TBX22: variants seen among roughly 807,000 people sequenced by gnomAD.
TBX22 encodes the protein T-box transcription factor TBX22.
A neutral mutation model predicts 30.1 loss-of-function variants in TBX22; 8 were observed. That is an observed-to-expected ratio of 0.27 (90% CI 0.16 to 0.48). TBX22 has a LOEUF of 0.48. Ranked by LOEUF, TBX22 falls within the 20% of genes least tolerant of loss-of-function variation. The probability of loss-of-function intolerance (pLI) is 0.99; values close to 1 mark genes in which losing one functional copy is unlikely to be tolerated. For synonymous variants in TBX22, 173 were observed against 149.1 expected (o/e 1.16, Z -1.17); for missense variants, 463 against 400.5 (o/e 1.16, Z -1.33).
rs778164281 is a variant in TBX22, at chrX:80,030,487, G to GT, written c.950-10dup. ...AAGTTCATTATTCATTGGCTGAATT[G>GT]TCATTCACAGGTGGAAGCAGTGGCT... On this transcript the variant is annotated splice_polypyrimidine_tract_variant and intron_variant, in intron 8 of 8. Transcript: ENST00000373296. 8.3e-7 allele frequency: 1 copy of GT among 1,209,416 alleles called. No individual in the cohort carries two copies. The highest frequency in any genetic ancestry group is 1.8e-5 in the South Asian group (1 of 56,788).
intron 1 of TBX22, among the ~76,000 whole-genome samples, chrX:80,020,096 G>A (rs760622799): frequency 3.6e-5 from 4 of 110,768 alleles, no homozygotes; most frequent in Admixed American, 9.6e-5. Context: ...ACAAGGTAAC[G>A]TCCTGCCTTT....
rs778084418 is a variant in TBX22 at position 80,028,095 on chromosome X, T to G, written c.949+19T>G. On this transcript the variant is annotated intron_variant, in intron 8 of 8. Coordinates refer to ENST00000373296, the MANE Select transcript of TBX22 (RefSeq NM_001109878.2). Reference sequence around the variant, plus strand: ...ACACAAAGTAAGAAAACTTGGAACGTTTGTTTTATTTTTACATATCAATTA... The same window carrying G: ...ACACAAAGTAAGAAAACTTGGAACGGTTGTTTTATTTTTACATATCAATTA... 1 of 1,164,940 alleles carries G rather than the reference T, an allele frequency of 8.6e-7. No individual in the cohort carries two copies. Among genetic ancestry groups the G allele is most frequent in the South Asian group, 1.8e-5 (1 of 55,548 alleles).
At chrX:80,025,819 A>C in intron 5 of TBX22, 42 bp downstream of exon 5, 1 of 1,130,755 alleles carries the variant, frequency 8.8e-7, no homozygotes, top group Non-Finnish European at 1.2e-6. Flanking sequence ...GGAGGTGCCA[A>C]GGCTCCTGCC....
chrX:80,014,998 C>T (rs1252345787), intron 1 of TBX22, 111 bp downstream of exon 1: 2 of 111,562 alleles, frequency 1.8e-5, no homozygotes, highest in Non-Finnish European at 3.8e-5. Context: ...AAGTCCCTAA[C>T]ATTAGGAAAG....
At chrX:80,018,664 A>G (rs1232627876) in intron 1 of TBX22, among the ~76,000 whole-genome samples, 1 of 112,175 alleles carries the variant, frequency 8.9e-6, no homozygotes, top group Admixed American at 9.5e-5. Flanking sequence ...AGTGCTTACT[A>G]TGTTCCAGGC....
At chrX:80,022,560 G>C in intron 2 of TBX22, 116 bp downstream of exon 2, 1 of 743,676 alleles carries the variant, frequency 1.3e-6, no homozygotes, top group Admixed American at 2.6e-5. Flanking sequence ...GAGACACCTC[G>C]ACCACCTGGT....
Position 80,023,112 on chromosome X carries a change from C to T in TBX22, c.228C>T (p.Ser76=). 1 of 1,211,573 alleles carries T rather than the reference C, an allele frequency of 8.3e-7. No homozygotes were observed. The highest frequency in any genetic ancestry group is 1.1e-6 in the Non-Finnish European group (1 of 895,362). The change falls in exon 3 of 9, where the codon AGC becomes AGT. Residue 76 remains serine (S), a synonymous_variant. Transcript: ENST00000373296. ...PSTSASSGCG[S]DSGYGNSSES... ...CATCTGCTTCCTCTGGCTGCGGCAG[C>T]GACAGCGGCTACGGCAACAGCTCTG...
Position 80,027,701 on chromosome X carries a change from A to G in TBX22, c.864-290A>G, listed in dbSNP as rs777743171. Among the ~76,000 whole-genome samples the G allele has an allele frequency of 4.5e-5, 5 of 111,891 alleles. No homozygotes were observed. The East Asian group carries it at 1.4e-3, about 32-fold the overall frequency. ...CCCCCACAAGTTTTAAGGATAAGAA[A>G]ACTGACTCAGAGACTCAAAAGCTCT... On this transcript the variant is annotated intron_variant, in intron 7 of 8. Coordinates refer to ENST00000373296, the MANE Select transcript of TBX22 (RefSeq NM_001109878.2).
chrX:80,018,751 A>G (rs1923556498), intron 1 of TBX22, among the ~76,000 whole-genome samples: 2 of 112,063 alleles, frequency 1.8e-5, no homozygotes, highest in Non-Finnish European at 3.8e-5. Flanking sequence ...ACAGAAACAT[A>G]CTCTATGATA....
At chrX:80,018,470 A>G (rs1406865305) in intron 1 of TBX22, among the ~76,000 whole-genome samples, 1 of 112,081 alleles carries the variant, frequency 8.9e-6, no homozygotes, top group Admixed American at 9.5e-5. Context: ...GCTTTCCTAA[A>G]GACTTTCAAC....
In TBX22 at chrX:80,026,814, A is replaced by T; in HGVS notation, c.744A>T (p.Thr248=). ...IQSLPTEGVK[T]FSFKETEFTT... ...CCTTGCCCACTGAAGGTGTTAAAAC[A>T]TTCTCCTTTAAAGAAACTGAGTTCA... Residue 248 remains threonine (T), a synonymous_variant, in exon 6 of 9, where the codon ACA becomes ACT. Transcript: ENST00000373296. 2 of 1,211,731 alleles carry T rather than the reference A, an allele frequency of 1.7e-6. No individual in the cohort carries two copies. Among genetic ancestry groups the T allele is most frequent in the Non-Finnish European group, 2.2e-6 (2 of 895,460 alleles).
At chrX:80,026,176 G>A (rs1455365022) in intron 5 of TBX22, among the ~76,000 whole-genome samples, 1 of 111,153 alleles carries the variant, frequency 9.0e-6, no homozygotes, top group Non-Finnish European at 1.9e-5. Context: ...GTGATGGAAG[G>A]ATACAAGTGG....
At chrX:80,027,179 T>C in intron 6 of TBX22, 77 bp from the exon 7 acceptor site, 1 of 594,031 alleles carries the variant, frequency 1.7e-6, no homozygotes, top group East Asian at 3.3e-5. Context: ...CTGGTGGTTG[T>C]AACCACTATA....
intron 8 of TBX22, among the ~76,000 whole-genome samples, chrX:80,029,067 A>C (rs1379612865): frequency 1.8e-5 from 2 of 112,332 alleles, no homozygotes; most frequent in Non-Finnish European, 3.8e-5. Context: ...AAAAAGTTAA[A>C]GATGATCATG....
intron 1 of TBX22, among the ~76,000 whole-genome samples, chrX:80,017,183 T>C (rs1465413715): frequency 3.6e-5 from 4 of 110,080 alleles, no homozygotes; most frequent in Non-Finnish European, 7.6e-5. Context: ...GCAGTCCTGA[T>C]TGAGCCTTCA....
rs750415957 is a variant in TBX22, at chrX:80,022,273, G to A, written c.4G>A (p.Ala2Thr). 1 of 1,210,951 alleles carries A rather than the reference G, an allele frequency of 8.3e-7. No individual in the cohort carries two copies. The highest frequency in any genetic ancestry group is 1.1e-6 in the Non-Finnish European group (1 of 895,238). M[A>T]LSSRARAFSV... ...AATCCCTTCACCCCCTCCAGGGATG[G>A]CTCTGAGCTCTCGGGCGCGTGCCTT... The change falls in exon 2 of 9, where the codon GCT becomes ACT. Residue 2 changes from alanine (A) to threonine (T), a missense_variant. Coordinates refer to ENST00000373296, the MANE Select transcript of TBX22 (RefSeq NM_001109878.2).
chrX:80,023,329 T>A (rs987031683), intron 3 of TBX22, 89 bp downstream of exon 3: 67 of 908,402 alleles, frequency 7.4e-5, no homozygotes, highest in Non-Finnish European at 1.0e-4. Context: ...TCCAGTTTTA[T>A]GCTCTGGTAC....
intron 2 of TBX22, 102 bp from the exon 3 acceptor site, chrX:80,022,958 A>C (rs1923793485): frequency 2.4e-6 from 2 of 845,322 alleles, no homozygotes; most frequent in East Asian, 6.6e-5. Context: ...GTTCCTGGGG[A>C]AGGGACAAGG....
At chrX:80,026,084 T>C (rs910742251) in intron 5 of TBX22, among the ~76,000 whole-genome samples, 1 of 111,237 alleles carries the variant, frequency 9.0e-6, no homozygotes, top group Non-Finnish European at 1.9e-5. Flanking sequence ...TCAGGCACCT[T>C]AGCCTCCTTG....
Sources: allele counts gnomAD v4.1 joint callset (sites outside exome capture counted in the v4.1 genomes callset), GRCh38; gene constraint gnomAD v4.1.1; transcripts MANE v1.5; gene names NCBI Gene and HGNC (gene_info 2026-07-23, HGNC 2026-07-21).